SHC4: variants seen among roughly 807,000 people sequenced by gnomAD.
The protein encoded by SHC4 is SHC-transforming protein 4.
SHC4 carries 41 observed loss-of-function variants against 69.4 expected under a neutral mutation model. The observed-to-expected ratio is 0.59, with a 90% CI of 0.46 to 0.77. The LOEUF (loss-of-function observed/expected upper bound fraction) is 0.77, where lower values mean the gene tolerates loss of function less well. Among genes scored for constraint, SHC4 ranks in the 30% least tolerant of loss-of-function variants. The probability of loss-of-function intolerance (pLI) is 0.00; values close to 1 mark genes in which losing one functional copy is unlikely to be tolerated. For missense variants in SHC4, 777 were observed against 783.8 expected (o/e 0.99, Z 0.10); for synonymous variants, 318 against 299.3 (o/e 1.06, Z -0.64).
chr15:48,836,023 CAAA>C (rs57343981), intron 10 of SHC4, among the ~76,000 whole-genome samples: 2 of 60,138 alleles, frequency 3.3e-5, no homozygotes, highest in African/African-American at 1.5e-4. Context: ...ACAAAAAATC[CAAA>C]AAAAAAAAAA....
chr15:48,860,157 C>CT (rs34795478), intron 6 of SHC4, among the ~76,000 whole-genome samples: 85,488 of 151,330 alleles, frequency 0.56, 26,859 homozygotes, highest in Middle Eastern at 0.77. Flanking sequence ...CAAATAAATA[C>CT]TTTTTTTTTA....
At chr15:48,897,055 G>C (rs1300603833) in intron 2 of SHC4, among the ~76,000 whole-genome samples, 1 of 152,196 alleles carries the variant, frequency 6.6e-6, no homozygotes, top group African/African-American at 2.4e-5. Flanking sequence ...AAGCAGCTGC[G>C]CTCCTGCAGA....
At chr15:48,827,553 C>CTGCCTCCATTG (rs1223275793) in intron 11 of SHC4, among the ~76,000 whole-genome samples, 1 of 152,020 alleles carries the variant, frequency 6.6e-6, no homozygotes, top group Non-Finnish European at 1.5e-5. Flanking sequence ...TGTATTTCTT[C>CTGCCTCCATTG]TGCCTCAGGC....
intron 11 of SHC4, among the ~76,000 whole-genome samples, chr15:48,828,863 T>A (rs1898743004): frequency 6.6e-6 from 1 of 152,206 alleles, no homozygotes; most frequent in South Asian, 2.1e-4. Flanking sequence ...CATTGGTTGC[T>A]TTTATTTTTT....
chr15:48,846,456 C>G (rs1012881398), intron 9 of SHC4, among the ~76,000 whole-genome samples: 2 of 152,178 alleles, frequency 1.3e-5, no homozygotes, highest in Middle Eastern at 3.2e-3. Context: ...TTATCTCTTA[C>G]AGCAATATGC....
In SHC4 at chr15:48,834,843, G is replaced by A. The variant is rs1165323751; in HGVS notation, c.1663C>T (p.Pro555Ser). 5 of 1,614,064 alleles carry A rather than the reference G, an allele frequency of 3.1e-6. 1 individual carries two copies. In the South Asian group the frequency reaches 4.4e-5, roughly 14 times the overall value. ...AGTCCACTCAGCACATATTGGCCAG[G>A]GGATGTTGCACTCTCTCGAACCAAA... Reference protein sequence around the residue: ...DFLVRESATSPGQYVLSGLQG... With the variant: ...DFLVRESATSSGQYVLSGLQG... The change falls in exon 11 of 12, where the codon CCT becomes TCT. Residue 555 changes from proline (P) to serine (S), a missense_variant. Transcript: ENST00000332408.
intron 4 of SHC4, among the ~76,000 whole-genome samples, chr15:48,883,265 T>C (rs1435117351): frequency 6.6e-6 from 1 of 152,176 alleles, no homozygotes; most frequent in Non-Finnish European, 1.5e-5. Flanking sequence ...TAAACAGCCC[T>C]ATGAGACACT....
intron 2 of SHC4, among the ~76,000 whole-genome samples, chr15:48,895,757 G>A (rs2141008769): frequency 6.6e-6 from 1 of 152,274 alleles, no homozygotes; most frequent in Non-Finnish European, 1.5e-5. Flanking sequence ...AAGAAAAAAA[G>A]GGGAAAACTT....
chr15:48,837,778 A>G (rs1387488877), intron 10 of SHC4, among the ~76,000 whole-genome samples: 1 of 152,218 alleles, frequency 6.6e-6, no homozygotes, highest in African/African-American at 2.4e-5. Context: ...TCAAGAAAGC[A>G]CAGTATAGAT....
chr15:48,891,519 A>G (rs971666374), intron 2 of SHC4, among the ~76,000 whole-genome samples: 2 of 152,244 alleles, frequency 1.3e-5, no homozygotes, highest in African/African-American at 4.8e-5. Flanking sequence ...AAATGCAGTT[A>G]TAACTAAAAG....
chr15:48,930,724 C>T (rs1900948963), intron 1 of SHC4, among the ~76,000 whole-genome samples: 1 of 152,156 alleles, frequency 6.6e-6, no homozygotes, highest in Non-Finnish European at 1.5e-5. Context: ...GACCTTCATG[C>T]AATAAATGTT....
At chr15:48,835,332 C>A (rs561114936) in intron 10 of SHC4, among the ~76,000 whole-genome samples, 3 of 152,218 alleles carry the variant, frequency 2.0e-5, no homozygotes, top group African/African-American at 4.8e-5. Flanking sequence ...GAGAGAGGCT[C>A]TTTATGTCCT....
At chr15:48,894,578 C>A (rs148685552) in intron 2 of SHC4, among the ~76,000 whole-genome samples, 1 of 152,098 alleles carries the variant, frequency 6.6e-6, no homozygotes, top group African/African-American at 2.4e-5. Context: ...TCCAGCTTAG[C>A]TTTTAACCCC....
intron 1 of SHC4, among the ~76,000 whole-genome samples, chr15:48,939,215 T>C (rs186995286): frequency 6.6e-6 from 1 of 152,248 alleles, no homozygotes; most frequent in East Asian, 1.9e-4. Flanking sequence ...TGGCGCTCCA[T>C]AGGAGTGTGA....
At position 48,918,794 on chromosome 15, in the gene SHC4, T is replaced by C. The variant is rs1391632257; in HGVS notation, c.656+6085A>G. On this transcript the variant is annotated intron_variant, in intron 2 of 11. Transcript: ENST00000332408. The stretch of plus-strand genomic sequence containing the variant: ...AGGAAGTCAGAGGTGAATTCTGCAA[T>C]ATAATTTTTCTGTTCAGCAAATTTT... Among the ~76,000 whole-genome samples the C allele has an allele frequency of 3.9e-5, 6 of 152,340 alleles. No homozygotes were observed. In the East Asian group the frequency reaches 1.2e-3, roughly 29 times the overall value.
chr15:48,827,063 T>A (rs1898702567), intron 11 of SHC4, among the ~76,000 whole-genome samples: 1 of 152,192 alleles, frequency 6.6e-6, no homozygotes, highest in Non-Finnish European at 1.5e-5. Flanking sequence ...ATTGTGGCTC[T>A]ACCAGCTTGG....
rs557914251 is a variant in SHC4 at position 48,848,010 on chromosome 15, A to C, written c.1303+3178T>G. On this transcript the variant is annotated intron_variant, in intron 9 of 11. Transcript: ENST00000332408. ...AGAGCAAAACTCCGTCTAAAAAAAA[A>C]AAAAAAACAAAAAAAACAAACAAAA... Among the ~76,000 whole-genome samples the C allele has an allele frequency of 7.5e-3, 1,140 of 151,524 alleles. 20 individuals carry two copies. Among genetic ancestry groups the C allele is most frequent in the African/African-American group, 0.026 (1,077 of 41,284 alleles).
chr15:48,951,553 C>T (rs1901364841), intron 1 of SHC4, among the ~76,000 whole-genome samples: 1 of 152,076 alleles, frequency 6.6e-6, no homozygotes, highest in African/African-American at 2.4e-5. Context: ...TTGTATCAGT[C>T]CATCTTATTT....
chr15:48,962,916 G>A lies in SHC4; in HGVS notation c.100C>T (p.Arg34Trp), dbSNP rs770928175. The A allele has an allele frequency of 1.2e-6, 2 of 1,613,200 alleles. No homozygotes were observed. The highest frequency in any genetic ancestry group is 1.3e-5 in the African/African-American group (1 of 74,934). ...MLHRAKYSRF[R>W]NESITSLDEG... Reference sequence around the variant, plus strand: ...TCCAAGGACGTGATCGACTCGTTCCGAAAGCGGCTGTACTTGGCCCTGTGC... The same window carrying A: ...TCCAAGGACGTGATCGACTCGTTCCAAAAGCGGCTGTACTTGGCCCTGTGC... The change falls in exon 1 of 12, where the codon CGG becomes TGG. Residue 34 changes from arginine (R) to tryptophan (W), a missense_variant. By Grantham distance (101) the Arg-to-Trp change is moderately radical (BLOSUM62 -3). Transcript: ENST00000332408.
Sources: allele counts gnomAD v4.1 joint callset (sites outside exome capture counted in the v4.1 genomes callset), GRCh38; gene constraint gnomAD v4.1.1; transcripts MANE v1.5; gene names NCBI Gene and HGNC (gene_info 2026-07-23, HGNC 2026-07-21).